Variants in ADARB2 observed in about 807,000 individuals in gnomAD.
ADARB2 encodes the protein inactive double-stranded RNA-specific editase B2.
ADARB2 carries 25 observed loss-of-function variants against 62.2 expected under a neutral mutation model. The ratio of observed to expected loss-of-function variants is 0.40; its 90% CI spans 0.29 to 0.56. The LOEUF is 0.56. ADARB2 is among the 20% of genes least tolerant of loss of function. ADARB2 has a pLI of 0.43. For synonymous variants in ADARB2, 572 were observed against 500.8 expected (o/e 1.14, Z -1.90); for missense variants, 1,071 against 1,077.4 (o/e 0.99, Z 0.08).
chr10:1,649,550 G>C (rs1385986435), intron 1 of ADARB2, among the ~76,000 whole-genome samples: 2 of 152,208 alleles, frequency 1.3e-5, no homozygotes, highest in African/African-American at 4.8e-5. Flanking sequence ...CTTTACACAA[G>C]GTATGGGTGT....
At chr10:1,360,158 G>T (rs569766733) in intron 3 of ADARB2, among the ~76,000 whole-genome samples, 1 of 139,816 alleles carries the variant, frequency 7.2e-6, no homozygotes, top group Non-Finnish European at 1.6e-5. Context: ...CTCAAGCACC[G>T]GGCCGGCACC....
chr10:1,467,152 C>T lies in ADARB2; in HGVS notation c.101-87992G>A, dbSNP rs929665087. ...GTTTATAGCCACTGTCTAAACATTG[C>T]GATGCTTTCTATGTGAGCATGGCAG... On this transcript the variant is annotated intron_variant, in intron 1 of 9. Transcript: ENST00000381312. Among the ~76,000 whole-genome samples the T allele has an allele frequency of 9.2e-5, 14 of 152,248 alleles. 1 individual carries two copies. Among genetic ancestry groups the T allele is most frequent in the Admixed American group, 3.3e-4 (5 of 15,290 alleles).
intron 1 of ADARB2, among the ~76,000 whole-genome samples, chr10:1,608,779 AG>A (rs1422832791): frequency 3.1e-5 from 3 of 97,862 alleles, no homozygotes; most frequent in African/African-American, 7.5e-5. Context: ...AGAAAGAGAA[AG>A]AAAGAAAGAA....
intron 1 of ADARB2, among the ~76,000 whole-genome samples, chr10:1,724,633 C>T (rs889213852): frequency 1.3e-5 from 2 of 152,204 alleles, no homozygotes; most frequent in African/African-American, 4.8e-5. Flanking sequence ...CTCAGTGAGC[C>T]ACAGCCTGGT....
intron 3 of ADARB2, among the ~76,000 whole-genome samples, chr10:1,325,003 G>A (rs529847958): frequency 3.9e-5 from 6 of 152,330 alleles, no homozygotes; most frequent in African/African-American, 1.4e-4. Flanking sequence ...TCTGTACTAT[G>A]TCCTAGAACG....
At chr10:1,381,715 T>A (rs146257769) in intron 1 of ADARB2, among the ~76,000 whole-genome samples, 140 of 152,290 alleles carry the variant, frequency 9.2e-4, no homozygotes, top group Non-Finnish European at 1.1e-3. Context: ...GAGGACCTCA[T>A]CCTAAGTGAA....
Position 1,737,201 on chromosome 10 carries a change from C to A in ADARB2, c.-51G>T. ...GAGCCGCCTCCCTCCTGCACCTGCA[C>A]CTGCCTCCTTCCCGGCAGCCGCCGC... On this transcript the variant is annotated 5_prime_UTR_variant, in exon 1 of 10. Transcript: ENST00000381312. 1 of 1,573,776 alleles carries A rather than the reference C, an allele frequency of 6.4e-7. No homozygotes were observed.
rs1250342804 is a variant in ADARB2, at chr10:1,255,521, A to T, written c.1193-13222T>A. ...CTGTCCACCTGTGATGGCCTCGGGC[A>T]CTGTGGCCCCCACTACAACCCAAAG... On this transcript the variant is annotated intron_variant, in intron 4 of 9. Transcript: ENST00000381312. This position sits in a 1 kb window ranked among gnomAD's most constrained non-coding sequence, Gnocchi z 4.7. Among the ~76,000 whole-genome samples the T allele has an allele frequency of 6.6e-6, 1 of 152,262 alleles. No homozygotes were observed. The highest frequency in any genetic ancestry group is 2.4e-5 in the African/African-American group (1 of 41,484).
At chr10:1,275,604 A>C (rs1447546845) in intron 3 of ADARB2, among the ~76,000 whole-genome samples, 5 of 151,344 alleles carry the variant, frequency 3.3e-5, no homozygotes, top group East Asian at 2.0e-4. Context: ...TGTGCTGCAC[A>C]CATCAACTCA....
intron 3 of ADARB2, among the ~76,000 whole-genome samples, chr10:1,353,400 G>A (rs903324979): frequency 1.3e-5 from 2 of 151,892 alleles, no homozygotes; most frequent in Admixed American, 6.6e-5. Flanking sequence ...AGCTGTACCC[G>A]CTTACATGCA....
chr10:1,599,950 G>A (rs1302727581), intron 1 of ADARB2, among the ~76,000 whole-genome samples: 2 of 152,036 alleles, frequency 1.3e-5, no homozygotes, highest in Non-Finnish European at 2.9e-5. Flanking sequence ...TCACCATGTT[G>A]CCCTGGCTGG....
At chr10:1,664,652 G>C (rs1834292070) in intron 1 of ADARB2, among the ~76,000 whole-genome samples, 1 of 152,158 alleles carries the variant, frequency 6.6e-6, no homozygotes, top group East Asian at 1.9e-4. Context: ...CGTCTGGTAG[G>C]AGTGCACTAG....
intron 1 of ADARB2, among the ~76,000 whole-genome samples, chr10:1,450,007 G>A (rs12572245): frequency 0.16 from 25,107 of 152,218 alleles, 2,389 homozygotes; most frequent in East Asian, 0.4. Flanking sequence ...CAAGGAGGCC[G>A]TGGCCAGCAT....
chr10:1,255,447 A>T lies in ADARB2; in HGVS notation c.1193-13148T>A, dbSNP rs961298024. ...CTCACTCCACATAACATACAACACG[A>T]CAAAGGCATTGAGAGAGCCCAGAAA... On this transcript the variant is annotated intron_variant, in intron 4 of 9. Transcript: ENST00000381312. This position sits in a 1 kb window ranked among gnomAD's most constrained non-coding sequence, Gnocchi z 4.7. 2.0e-5 allele frequency among the ~76,000 whole-genome samples: 3 copies of T among 152,220 alleles called. No individual in the cohort carries two copies. Among genetic ancestry groups the T allele is most frequent in the Non-Finnish European group, 4.4e-5 (3 of 68,038 alleles).
At chr10:1,523,797 C>A (rs958437337) in intron 1 of ADARB2, among the ~76,000 whole-genome samples, 1 of 152,218 alleles carries the variant, frequency 6.6e-6, no homozygotes, top group Non-Finnish European at 1.5e-5. Flanking sequence ...AAATCTTGAA[C>A]ATTTCATTTT....
intron 1 of ADARB2, among the ~76,000 whole-genome samples, chr10:1,521,785 C>A (rs1356387797): frequency 6.6e-6 from 1 of 150,960 alleles, no homozygotes. Context: ...ATCCACCCCC[C>A]ACTACCCCCA....
At chr10:1,624,632 G>A (rs1833744909) in intron 1 of ADARB2, among the ~76,000 whole-genome samples, 1 of 152,088 alleles carries the variant, frequency 6.6e-6, no homozygotes, top group African/African-American at 2.4e-5. Context: ...ATGTTTTTAA[G>A]AGACTGACAC....
chr10:1,563,725 A>C, intron 1 of ADARB2, among the ~76,000 whole-genome samples: 1 of 149,172 alleles, frequency 6.7e-6, no homozygotes, highest in Admixed American at 6.7e-5. Context: ...GGTGCACTGC[A>C]CCCACTAACT....
chr10:1,512,439 T>C (rs1442580600), intron 1 of ADARB2, among the ~76,000 whole-genome samples: 1 of 152,114 alleles, frequency 6.6e-6, no homozygotes, highest in African/African-American at 2.4e-5. Context: ...ACCAAGACTT[T>C]GATGCTGTCT....
Sources: allele counts gnomAD v4.1 joint callset (sites outside exome capture counted in the v4.1 genomes callset), GRCh38; gene constraint gnomAD v4.1.1; non-coding constraint Gnocchi (gnomAD v3.1); transcripts MANE v1.5; gene names NCBI Gene and HGNC (gene_info 2026-07-23, HGNC 2026-07-21).